The following SCAMP4 variants were observed in gnomAD, a reference collection of about 807,000 sequenced individuals.
The protein encoded by SCAMP4 is secretory carrier-associated membrane protein 4.
In SCAMP4, 19 loss-of-function variants were observed where a neutral mutation model predicts 32.1. The ratio of observed to expected loss-of-function variants is 0.59; its 90% confidence interval spans 0.41 to 0.87. The LOEUF is 0.87. SCAMP4 is among the 40% of genes least tolerant of loss of function. The pLI, the probability that SCAMP4 is intolerant of heterozygous loss-of-function variation, is 0.00. For missense variants in SCAMP4, 302 were observed against 309.0 expected (o/e 0.98, Z 0.17); for synonymous variants, 152 against 132.7 (o/e 1.15, Z -1.00).
At chr19:1,916,326 G>A (rs1421641923) in intron 2 of SCAMP4, among the ~76,000 whole-genome samples, 4 of 152,166 alleles carry the variant, frequency 2.6e-5, no homozygotes, top group African/African-American at 9.7e-5. Context: ...AGCCAAGGGC[G>A]CTGGGATCCC....
intron 5 of SCAMP4, chr19:1,921,531 T>C: frequency 1.0e-6 from 1 of 985,400 alleles, no homozygotes; most frequent in Admixed American, 6.1e-5. Flanking sequence ...CCACTGACAG[T>C]GTGCTGGGTG....
intron 1 of SCAMP4, among the ~76,000 whole-genome samples, chr19:1,914,136 CCTT>C (rs554156359): frequency 1.3e-3 from 197 of 152,264 alleles, no homozygotes; most frequent in Non-Finnish European, 2.4e-3. Context: ...ATTTGGGCCT[CCTT>C]CATGCTCAGG....
At chr19:1,909,118 T>A (rs552503895) in intron 1 of SCAMP4, among the ~76,000 whole-genome samples, 5 of 141,482 alleles carry the variant, frequency 3.5e-5, no homozygotes, top group Non-Finnish European at 6.1e-5. Flanking sequence ...AAAAAAAAAA[T>A]GTGGGCTGGG....
In SCAMP4 at chr19:1,916,298, C is replaced by T. The variant is rs148511416; in HGVS notation, c.7+1272C>T. Among the ~76,000 whole-genome samples, 350 of 151,872 alleles carry T rather than the reference C, an allele frequency of 2.3e-3. 1 individual carries two copies. The highest frequency in any genetic ancestry group is 7.8e-3 in the African/African-American group (321 of 41,402). On this transcript the variant is annotated intron_variant, in intron 2 of 6. Coordinates refer to ENST00000316097, the MANE Select transcript of SCAMP4 (RefSeq NM_079834.4). ...TCGTCGTGGAGATGGAGGCAGAGGC[C>T]AGAGCTATGCGGCCATGAGCCAAGG...
At chr19:1,912,893 TA>T in intron 1 of SCAMP4, 1 of 1,606,812 alleles carries the variant, frequency 6.2e-7, no homozygotes. Flanking sequence ...GCGCCGTGCG[TA>T]AACTGGACGC....
At chr19:1,923,309 G>A (rs899613216) in intron 6 of SCAMP4, 122 bp downstream of exon 6, 48 of 791,958 alleles carry the variant, frequency 6.1e-5, no homozygotes, top group Non-Finnish European at 8.1e-5. Flanking sequence ...CACGCAGGCC[G>A]CACTTCATCC....
At chr19:1,911,914 T>C (rs1046112989) in intron 1 of SCAMP4, 3 of 1,170,082 alleles carry the variant, frequency 2.6e-6, no homozygotes, top group Non-Finnish European at 3.4e-6. Flanking sequence ...TGAGGGAGTG[T>C]AGCTCTGATG....
At chr19:1,911,357 A>G (rs1423573244) in intron 1 of SCAMP4, among the ~76,000 whole-genome samples, 1 of 151,872 alleles carries the variant, frequency 6.6e-6, no homozygotes, top group Non-Finnish European at 1.5e-5. Flanking sequence ...TATTTAGTAG[A>G]AATGGGGTGT....
chr19:1,921,146 C>T, intron 5 of SCAMP4: 2 of 985,438 alleles, frequency 2.0e-6, no homozygotes, highest in African/African-American at 3.5e-5. Context: ...CAGTGCGCTG[C>T]TGTGGGGCGA....
intron 5 of SCAMP4, chr19:1,920,224 G>A (rs1013617853): frequency 7.1e-6 from 7 of 985,286 alleles, no homozygotes; most frequent in South Asian, 4.7e-5. Flanking sequence ...TCCTTGGCAC[G>A]GCGGGAGCTC....
In SCAMP4 at chr19:1,921,944, G is replaced by A. The variant is rs148178322; in HGVS notation, c.396-1126G>A. On this transcript the variant is annotated intron_variant, in intron 5 of 6. Transcript: ENST00000316097. ...ACGCGGCGGGGGGTACCGCGTGTGCGTGCATATCACGCCCCGTGCATGTGT... is the reference window on the plus strand; with the variant it reads ...ACGCGGCGGGGGGTACCGCGTGTGCATGCATATCACGCCCCGTGCATGTGT... The A allele has an allele frequency of 2.0e-5, 20 of 985,532 alleles. No homozygotes were observed. In the African/African-American group the frequency reaches 3.0e-4, roughly 15 times the overall value. 61.0% of individuals were successfully genotyped at this position (985,532 alleles called of 1,614,324 possible).
chr19:1,921,154 C>T lies in SCAMP4; in HGVS notation c.396-1916C>T, dbSNP rs374982838. 166 of 985,404 alleles carry T rather than the reference C, an allele frequency of 1.7e-4. No individual in the cohort carries two copies. In the African/African-American group the frequency reaches 2.0e-3, roughly 12 times the overall value. 61.0% of individuals were successfully genotyped at this position (985,404 alleles called of 1,614,324 possible). On this transcript the variant is annotated intron_variant, in intron 5 of 6. Coordinates refer to ENST00000316097, the MANE Select transcript of SCAMP4 (RefSeq NM_079834.4). ...CCACGCTCAGTGCGCTGCTGTGGGG[C>T]GAGAGGGGACAGCCCCGCTCTCCCT...
Position 1,924,280 on chromosome 19 carries a change from C to A in SCAMP4, c.686C>A (p.Pro229His). ...AGCTACCCGGGCAGTGGCCAGTGGC[C>A]TTAGAGGGAGCCTGCCCTGCCCCCA... ...VPSYPGSGQW[P>H] Residue 229 changes from proline to histidine, a missense_variant, in exon 7 of 7, where the codon CCT becomes CAT. Transcript: ENST00000316097. The A allele has an allele frequency of 6.3e-7, 1 of 1,590,104 alleles. No individual in the cohort carries two copies. The highest frequency in any genetic ancestry group is 8.5e-7 in the Non-Finnish European group (1 of 1,169,704).
chr19:1,922,585 A>T (rs1374527118), intron 5 of SCAMP4: 3 of 985,250 alleles, frequency 3.0e-6, no homozygotes, highest in Admixed American at 6.2e-5. Context: ...ATGGTGGCAG[A>T]TTTTCCATCC....
At chr19:1,919,157 G>T (rs917274666) in intron 5 of SCAMP4, 167 bp downstream of exon 5, 3 of 1,442,500 alleles carry the variant, frequency 2.1e-6, no homozygotes, top group African/African-American at 1.4e-5. Context: ...CCTCGCCAGC[G>T]CCCGCGTCCT....
intron 5 of SCAMP4, chr19:1,921,436 G>A: frequency 1.0e-6 from 1 of 985,416 alleles, no homozygotes; most frequent in African/African-American, 1.7e-5. Context: ...AGGTACTGAG[G>A]ACACGGTGCA....
chr19:1,912,986 C>T (rs767706073), intron 1 of SCAMP4: 2 of 1,609,472 alleles, frequency 1.2e-6, no homozygotes, highest in East Asian at 2.2e-5. Context: ...GCGCCATGGC[C>T]CTGGTGCACG....
In SCAMP4 at chr19:1,923,313, T is replaced by C. The variant is rs1252536697; in HGVS notation, c.513+126T>C. On this transcript the variant is annotated intron_variant, in intron 6 of 6. Coordinates refer to ENST00000316097, the MANE Select transcript of SCAMP4 (RefSeq NM_079834.4). ...CCCCACGGTGTCACGCAGGCCGCACTTCATCCCCAGCAGTGAGCTGGGATG... is the reference window on the plus strand; with the variant it reads ...CCCCACGGTGTCACGCAGGCCGCACCTCATCCCCAGCAGTGAGCTGGGATG... The C allele has an allele frequency of 9.1e-6, 7 of 768,164 alleles. No individual in the cohort carries two copies. The East Asian group carries it at 2.1e-4, about 23-fold the overall frequency. 47.6% of individuals were successfully genotyped at this position (768,164 alleles called of 1,614,324 possible). A position where few individuals can be genotyped will look rare whatever the true frequency, so the allele number is the denominator to read the frequency against.
At chr19:1,907,764 C>T (rs759220455) in intron 1 of SCAMP4, among the ~76,000 whole-genome samples, 3 of 152,088 alleles carry the variant, frequency 2.0e-5, no homozygotes, top group Non-Finnish European at 2.9e-5. Flanking sequence ...AGTGGTCGGT[C>T]GCCTGCCTTC....
Sources: allele counts gnomAD v4.1 joint callset (sites outside exome capture counted in the v4.1 genomes callset), GRCh38; gene constraint gnomAD v4.1.1; transcripts MANE v1.5; gene names NCBI Gene and HGNC (gene_info 2026-07-23, HGNC 2026-07-21).